Variants in KSR2 observed in about 807,000 individuals in gnomAD.
The protein encoded by KSR2 is kinase suppressor of ras 2.
In KSR2, 25 loss-of-function variants were observed where a neutral mutation model predicts 107.8. The ratio of observed to expected loss-of-function variants is 0.23; its 90% confidence interval spans 0.17 to 0.32. The LOEUF is 0.32. Among genes scored for constraint, KSR2 ranks in the 10% least tolerant of loss-of-function variants. KSR2 has a pLI of 1.00. For synonymous variants in KSR2, 480 were observed against 507.0 expected, an observed-to-expected ratio of 0.95 and a Z score of 0.71; for missense variants, 887 against 1,268.9, an observed-to-expected ratio of 0.70 and a Z score of 4.57.
intron 7 of KSR2, among the ~76,000 whole-genome samples, chr12:117,577,746 A>G (rs112081424): frequency 2.0e-5 from 3 of 152,338 alleles, no homozygotes; most frequent in African/African-American, 4.8e-5. Flanking sequence ...CATGGACAGT[A>G]TGGAGGAAAC....
chr12:117,581,629 C>T (rs1879667553), intron 6 of KSR2, among the ~76,000 whole-genome samples: 1 of 152,134 alleles, frequency 6.6e-6, no homozygotes, highest in Admixed American at 6.5e-5. Context: ...ACTACCAAGA[C>T]AAAATGGGGA....
intron 5 of KSR2, among the ~76,000 whole-genome samples, chr12:117,622,034 C>T (rs1882228088): frequency 6.6e-6 from 1 of 152,046 alleles, no homozygotes; most frequent in South Asian, 2.1e-4. Context: ...TCTCAGTGAG[C>T]ACATGAAAGT....
At chr12:117,911,651 A>G (rs1895017739) in intron 1 of KSR2, among the ~76,000 whole-genome samples, 1 of 151,500 alleles carries the variant, frequency 6.6e-6, no homozygotes, top group Non-Finnish European at 1.5e-5. Context: ...TTTTTTCCTT[A>G]GAAGCCCATG....
At chr12:117,811,998 T>G (rs899759031) in intron 3 of KSR2, among the ~76,000 whole-genome samples, 4 of 152,214 alleles carry the variant, frequency 2.6e-5, no homozygotes, top group African/African-American at 9.6e-5. Context: ...TGACAGTCTC[T>G]GCTGGGGGTT....
chr12:117,536,952 C>G (rs1005141363), intron 10 of KSR2, among the ~76,000 whole-genome samples: 1 of 152,232 alleles, frequency 6.6e-6, no homozygotes, highest in African/African-American at 2.4e-5. Context: ...GTGGTTCACA[C>G]CTGTAATCCC....
intron 4 of KSR2, among the ~76,000 whole-genome samples, chr12:117,715,260 C>T (rs760544184): frequency 4.6e-5 from 7 of 152,160 alleles, no homozygotes; most frequent in South Asian, 2.1e-4. Context: ...CACCCTAAGT[C>T]GACCCACCCG....
chr12:117,557,745 A>G (rs1183732198), intron 8 of KSR2, among the ~76,000 whole-genome samples: 1 of 152,184 alleles, frequency 6.6e-6, no homozygotes, highest in Non-Finnish European at 1.5e-5. Context: ...TAGCTACTGT[A>G]TTGGGGAGCA....
intron 7 of KSR2, among the ~76,000 whole-genome samples, chr12:117,560,432 G>C (rs1403058731): frequency 6.6e-6 from 1 of 151,904 alleles, no homozygotes; most frequent in Non-Finnish European, 1.5e-5. Context: ...AGCAAGGAGG[G>C]ACATAGGAAA....
chr12:117,870,716 G>A (rs1893622506), intron 1 of KSR2, among the ~76,000 whole-genome samples: 2 of 152,196 alleles, frequency 1.3e-5, no homozygotes, highest in African/African-American at 4.8e-5. Context: ...GTCACCAAGA[G>A]ACTGAGATCC....
rs1454562880 is a variant in KSR2, at chr12:117,457,430, T to C, written c.*9769A>G. The C allele has an allele frequency of 6.6e-6, 1 of 152,090 alleles. No individual in the cohort carries two copies. 9.4% of individuals were successfully genotyped at this position (152,090 alleles called of 1,614,324 possible). ...TGGAGGCTTTTGAAATCCACCAACA[T>C]ACCCAAAAATAGGGCTATGCTGGAA... On this transcript the variant is annotated 3_prime_UTR_variant, in exon 20 of 20. Transcript: ENST00000339824.
At chr12:117,789,907 C>G (rs1042158280) in intron 3 of KSR2, among the ~76,000 whole-genome samples, 1 of 152,216 alleles carries the variant, frequency 6.6e-6, no homozygotes, top group South Asian at 2.1e-4. Context: ...CACACACACA[C>G]AGCATGTCTT....
At chr12:117,717,284 G>A (rs548414194) in intron 4 of KSR2, among the ~76,000 whole-genome samples, 1 of 152,330 alleles carries the variant, frequency 6.6e-6, no homozygotes, top group South Asian at 2.1e-4. Context: ...ACTTCGGAAG[G>A]CTGAGACAGG....
intron 3 of KSR2, among the ~76,000 whole-genome samples, chr12:117,762,973 T>C (rs1342515037): frequency 5.3e-5 from 8 of 152,108 alleles, no homozygotes; most frequent in African/African-American, 1.4e-4. Flanking sequence ...ATGTGCCATG[T>C]TGGTGTGCTG....
At chr12:117,895,666 G>C (rs760360388) in intron 1 of KSR2, among the ~76,000 whole-genome samples, 1 of 152,168 alleles carries the variant, frequency 6.6e-6, no homozygotes, top group Non-Finnish European at 1.5e-5. Context: ...CTGTGGAAAC[G>C]TTTAGCAGTT....
rs769228520 is a variant in KSR2, at chr12:117,761,091, G to A, written c.906C>T (p.Ile302=). The part of the protein sequence containing the change: ...PPSSRKLIHL[I]PGFTALHRSK... ...TCCGATGCAGCGCGGTGAATCCCGGGATCAAGTGTATCAGTTTTCGGGAGG... is the reference window on the plus strand; with the variant it reads ...TCCGATGCAGCGCGGTGAATCCCGGAATCAAGTGTATCAGTTTTCGGGAGG... The change falls in exon 4 of 20, where the codon ATC becomes ATT. Residue 302 remains isoleucine, a synonymous_variant. Transcript: ENST00000339824. 4 of 1,613,672 alleles carry A rather than the reference G, an allele frequency of 2.5e-6. No homozygotes were observed. The highest frequency in any genetic ancestry group is 1.3e-5 in the African/African-American group (1 of 74,932).
intron 1 of KSR2, among the ~76,000 whole-genome samples, chr12:117,915,766 C>A (rs1309023478): frequency 6.6e-6 from 1 of 152,138 alleles, no homozygotes; most frequent in African/African-American, 2.4e-5. Context: ...TCTCCAAGAC[C>A]TGAAGAAGAT....
At chr12:117,512,909 G>A (rs1874119864) in intron 14 of KSR2, among the ~76,000 whole-genome samples, 1 of 152,170 alleles carries the variant, frequency 6.6e-6, no homozygotes, top group South Asian at 2.1e-4. Flanking sequence ...ATAGGCAGAA[G>A]GGATTTCTGG....
chr12:117,867,518 C>T (rs1005684776), intron 1 of KSR2, among the ~76,000 whole-genome samples: 1 of 152,164 alleles, frequency 6.6e-6, no homozygotes, highest in African/African-American at 2.4e-5. Context: ...TCTGTGTCCA[C>T]GCCTTTTCAA....
intron 3 of KSR2, among the ~76,000 whole-genome samples, chr12:117,812,788 T>C (rs1342282977): frequency 1.2e-5 from 1 of 86,634 alleles, no homozygotes; most frequent in Non-Finnish European, 2.2e-5. Flanking sequence ...TCTTCTCACA[T>C]AAATAAAAAA....
Sources: allele counts gnomAD v4.1 joint callset (sites outside exome capture counted in the v4.1 genomes callset), GRCh38; gene constraint gnomAD v4.1.1; transcripts MANE v1.5; gene names NCBI Gene and HGNC (gene_info 2026-07-23, HGNC 2026-07-21).